RPA3: variants seen among roughly 807,000 people sequenced by gnomAD.
The protein encoded by RPA3 is replication protein A3.
Under a neutral mutation model 13.7 loss-of-function variants are expected in RPA3, and 24 were observed. The observed-to-expected ratio is 1.75, with a 90% CI of 1.27 to 2.46. The LOEUF (loss-of-function observed/expected upper bound fraction) is 2.46. Among genes scored for constraint, RPA3 ranks in the 30% most tolerant of loss-of-function variants. The probability of loss-of-function intolerance (pLI) is 0.00; values close to 1 mark genes in which losing one functional copy is unlikely to be tolerated. For synonymous variants in RPA3, 59 were observed against 51.2 expected (o/e 1.15, Z -0.65); for missense variants, 183 against 151.0 (o/e 1.21, Z -1.11).
At chr7:7,667,500 G>C (rs2057929) in intron 4 of RPA3, among the ~76,000 whole-genome samples, 87,958 of 151,994 alleles carry the variant, frequency 0.58, 25,717 homozygotes, top group East Asian at 0.8. Context: ...TCAGAAATAT[G>C]ATGGGCAGAG....
chr7:7,646,165 G>A (rs1458967187), intron 4 of RPA3, among the ~76,000 whole-genome samples: 1 of 152,140 alleles, frequency 6.6e-6, no homozygotes, highest in African/African-American at 2.4e-5. Context: ...AGCCTTTTTG[G>A]GTTCCCACAC....
chr7:7,682,777 T>C (rs1563118510), intron 4 of RPA3, among the ~76,000 whole-genome samples: 1 of 152,240 alleles, frequency 6.6e-6, no homozygotes, highest in Non-Finnish European at 1.5e-5. Flanking sequence ...ACATTTAATT[T>C]ACTTAGCAGT....
chr7:7,646,475 G>A (rs566197034), intron 4 of RPA3, among the ~76,000 whole-genome samples: 15 of 125,608 alleles, frequency 1.2e-4, no homozygotes, highest in South Asian at 1.1e-3. Flanking sequence ...AACCCCTTTC[G>A]CTGGATTTTT....
chr7:7,666,174 G>A (rs1368867760), intron 4 of RPA3, among the ~76,000 whole-genome samples: 1 of 143,700 alleles, frequency 7.0e-6, no homozygotes, highest in Non-Finnish European at 1.5e-5. Flanking sequence ...CCAACACTTG[G>A]GAAAGTGTTT....
intron 4 of RPA3, among the ~76,000 whole-genome samples, chr7:7,685,119 C>A (rs1016027572): frequency 1.3e-5 from 2 of 152,014 alleles, no homozygotes; most frequent in Non-Finnish European, 2.9e-5. Flanking sequence ...GTAAAATGTA[C>A]AGTATGAATA....
chr7:7,694,080 T>A (rs763253191), intron 2 of RPA3, among the ~76,000 whole-genome samples: 16 of 152,154 alleles, frequency 1.1e-4, no homozygotes, highest in Non-Finnish European at 2.1e-4. Context: ...TAGATTTTTC[T>A]CCATACCTAT....
chr7:7,667,954 G>A (rs564963295), intron 4 of RPA3, among the ~76,000 whole-genome samples: 1 of 152,160 alleles, frequency 6.6e-6, no homozygotes, highest in South Asian at 2.1e-4. Context: ...TTAACACAGG[G>A]TCTTGCTCTG....
intron 2 of RPA3, among the ~76,000 whole-genome samples, chr7:7,700,163 C>T (rs1780424939): frequency 6.6e-6 from 1 of 152,138 alleles, no homozygotes; most frequent in Non-Finnish European, 1.5e-5. Context: ...AGTCCAAGAT[C>T]AAGGCATTGG....
At chr7:7,676,097 C>A (rs1035747018) in intron 4 of RPA3, 2 of 398,544 alleles carry the variant, frequency 5.0e-6, no homozygotes, top group African/African-American at 4.1e-5. Context: ...TTCCTTCTTC[C>A]GCAGAAGCAT....
At chr7:7,695,157 A>G (rs1171505861) in intron 2 of RPA3, among the ~76,000 whole-genome samples, 1 of 152,162 alleles carries the variant, frequency 6.6e-6, no homozygotes, top group Non-Finnish European at 1.5e-5. Context: ...GCACCTTTTC[A>G]TATACCTGTT....
At position 7,640,498 on chromosome 7, in the gene RPA3, A is replaced by C. The variant is rs1420131395; in HGVS notation, c.-80T>G. The C allele has an allele frequency of 9.8e-6, 13 of 1,321,358 alleles. No individual in the cohort carries two copies. The highest frequency in any genetic ancestry group is 1.4e-5 in the Non-Finnish European group (13 of 924,098). 81.9% of individuals were successfully genotyped at this position (1,321,358 alleles called of 1,614,324 possible). On this transcript the variant is annotated 5_prime_UTR_variant, in exon 5 of 8. Transcript: ENST00000223129. Reference sequence around the variant, plus strand: ...CGCCCCGCGGGTGTCTATGGGGCAGATTTCTCGGCACCAATCAGCGAAGAC... The same window carrying C: ...CGCCCCGCGGGTGTCTATGGGGCAGCTTTCTCGGCACCAATCAGCGAAGAC...
chr7:7,714,594 A>G (rs1780845340), intron 2 of RPA3, among the ~76,000 whole-genome samples: 2 of 152,200 alleles, frequency 1.3e-5, no homozygotes, highest in African/African-American at 4.8e-5. Context: ...TGATTTGTAA[A>G]TATCTTTAAA....
At chr7:7,676,300 A>G (rs1779737532) in intron 4 of RPA3, 1 of 395,528 alleles carries the variant, frequency 2.5e-6, no homozygotes. Context: ...GGAATAAATG[A>G]GTTAATGTGT....
intron 4 of RPA3, chr7:7,676,284 T>C (rs905839584): frequency 7.6e-6 from 3 of 396,970 alleles, no homozygotes; most frequent in African/African-American, 4.1e-5. Context: ...CATGAAGTTA[T>C]TGAGGGGAAT....
intron 2 of RPA3, among the ~76,000 whole-genome samples, chr7:7,701,658 T>G (rs1254417249): frequency 6.6e-6 from 1 of 152,196 alleles, no homozygotes; most frequent in Non-Finnish European, 1.5e-5. Context: ...TAGTGAAATA[T>G]GATTAGGAGG....
chr7:7,707,372 T>A (rs1033839302), intron 2 of RPA3, among the ~76,000 whole-genome samples: 2 of 152,160 alleles, frequency 1.3e-5, no homozygotes, highest in African/African-American at 4.8e-5. Context: ...TTGCCTTGAA[T>A]GACTTTCCCT....
intron 1 of RPA3, among the ~76,000 whole-genome samples, chr7:7,716,710 C>A (rs1780914042): frequency 6.6e-6 from 1 of 152,190 alleles, no homozygotes; most frequent in Non-Finnish European, 1.5e-5. Flanking sequence ...CTTTGGGAGG[C>A]CGAGGCAGGC....
At chr7:7,657,843 G>T (rs931471033) in intron 4 of RPA3, among the ~76,000 whole-genome samples, 4 of 152,156 alleles carry the variant, frequency 2.6e-5, no homozygotes, top group Non-Finnish European at 2.9e-5. Context: ...TTCTAATTCT[G>T]TGAAGAAAGT....
At chr7:7,646,407 C>T (rs953160444) in intron 4 of RPA3, among the ~76,000 whole-genome samples, 1 of 151,470 alleles carries the variant, frequency 6.6e-6, no homozygotes, top group African/African-American at 2.4e-5. Context: ...CAGTTTCCCC[C>T]ATACTGTTCT....
Sources: allele counts gnomAD v4.1 joint callset (sites outside exome capture counted in the v4.1 genomes callset), GRCh38; gene constraint gnomAD v4.1.1; transcripts MANE v1.5; gene names NCBI Gene and HGNC (gene_info 2026-07-23, HGNC 2026-07-21).